Variants in SLC4A4 observed in about 807,000 individuals in gnomAD.
The protein encoded by SLC4A4 is electrogenic sodium bicarbonate cotransporter 1.
SLC4A4 carries 27 observed loss-of-function variants against 111.5 expected under a neutral mutation model. The ratio of observed to expected loss-of-function variants is 0.24; its 90% CI spans 0.18 to 0.33. The LOEUF (loss-of-function observed/expected upper bound fraction) is 0.33, where lower values mean the gene tolerates loss of function less well. SLC4A4 is among the 10% of genes least tolerant of loss of function. The probability of loss-of-function intolerance (pLI) is 1.00; values close to 1 mark genes in which losing one functional copy is unlikely to be tolerated. For synonymous variants in SLC4A4, 443 were observed against 463.4 expected (o/e 0.96, Z 0.57); for missense variants, 909 against 1,315.5 (o/e 0.69, Z 4.78).
chr4:71,201,857 A>G (rs1480348625), intron 1 of SLC4A4, among the ~76,000 whole-genome samples: 1 of 152,228 alleles, frequency 6.6e-6, no homozygotes, highest in African/African-American at 2.4e-5. Flanking sequence ...AGAAAGATGC[A>G]AAAGAAGTGA....
At chr4:71,128,416 T>A (rs1338522185) in intron 2 of SLC4A4, among the ~76,000 whole-genome samples, 2 of 152,020 alleles carry the variant, frequency 1.3e-5, no homozygotes, top group Non-Finnish European at 2.9e-5. Flanking sequence ...CAAGATGAGA[T>A]TTGAGTGGGG....
At chr4:71,329,120 T>A (rs1429013054) in intron 3 of SLC4A4, among the ~76,000 whole-genome samples, 2 of 152,102 alleles carry the variant, frequency 1.3e-5, no homozygotes, top group Admixed American at 6.6e-5. Context: ...AAAAATGAGC[T>A]CACTGTAGAT....
intron 3 of SLC4A4, among the ~76,000 whole-genome samples, chr4:71,331,974 C>T (rs1186568651): frequency 6.6e-6 from 1 of 152,060 alleles, no homozygotes; most frequent in Non-Finnish European, 1.5e-5. Flanking sequence ...TATAGTTGCT[C>T]GTAGTAGTTT....
chr4:71,357,806 TGTA>T (rs141484277), intron 6 of SLC4A4, among the ~76,000 whole-genome samples: 19,248 of 152,188 alleles, frequency 0.13, 1,510 homozygotes, highest in African/African-American at 0.22. Context: ...GTATCCTATC[TGTA>T]GTTTATTGAT....
chr4:71,255,380 C>T lies in SLC4A4; in HGVS notation c.234C>T (p.Ser78=), dbSNP rs1474296874. 4 of 1,613,510 alleles carry T rather than the reference C, an allele frequency of 2.5e-6. No homozygotes were observed. Among genetic ancestry groups the T allele is most frequent in the Non-Finnish European group, 3.4e-6 (4 of 1,179,534 alleles). The change falls in exon 3 of 26, where the codon AGC becomes AGT. Residue 78 remains serine (S), a synonymous_variant. Transcript: ENST00000264485. ...TTGAAAATGCTGATGAATCCAGCAG[C>T]AGCATCCTAAAACCTCTCAGTGAGT... ...SDIENADESS[S]SILKPLISPA...
At chr4:71,357,498 G>A (rs541667204) in intron 6 of SLC4A4, among the ~76,000 whole-genome samples, 1 of 152,268 alleles carries the variant, frequency 6.6e-6, no homozygotes, top group African/African-American at 2.4e-5. Context: ...AGATGAGTCA[G>A]CAGATTCGTA....
In SLC4A4 at chr4:71,165,257, T is replaced by C. The variant is rs111230794; in HGVS notation, c.-1-71319T>C. Among the ~76,000 whole-genome samples the C allele has an allele frequency of 5.3e-3, 806 of 152,362 alleles. 9 individuals carry two copies. Among genetic ancestry groups the C allele is most frequent in the African/African-American group, 0.019 (771 of 41,578 alleles). ...TGCTACAAAGAAACTTGCACACGTA[T>C]GTTTATTGCAGCACTGTTTACAATA... On this transcript the variant is annotated intron_variant, in intron 2 of 26. Coordinates refer to the SLC4A4 transcript ENST00000649996.
intron 1 of SLC4A4, among the ~76,000 whole-genome samples, chr4:71,224,414 G>C (rs1160841968): frequency 1.3e-5 from 2 of 152,210 alleles, no homozygotes. Context: ...TAAGAGAACA[G>C]ATTTTGGAGC....
intron 1 of SLC4A4, among the ~76,000 whole-genome samples, chr4:71,068,497 G>A (rs1741587353): frequency 6.6e-6 from 1 of 151,912 alleles, no homozygotes; most frequent in Non-Finnish European, 1.5e-5. Flanking sequence ...CTACTCCCAA[G>A]GATAACCACT....
intron 2 of SLC4A4, among the ~76,000 whole-genome samples, chr4:71,120,607 C>T (rs189573992): frequency 1.3e-3 from 191 of 152,356 alleles, no homozygotes; most frequent in Non-Finnish European, 1.9e-3. Context: ...GTGGCTTATG[C>T]CTGTAATCCC....
intron 6 of SLC4A4, among the ~76,000 whole-genome samples, chr4:71,384,354 T>C (rs1718455412): frequency 6.6e-6 from 1 of 152,174 alleles, no homozygotes; most frequent in African/African-American, 2.4e-5. Context: ...GCATTATGGG[T>C]CCAGAGGTGT....
chr4:71,553,121 A>G (rs1340360409), intron 20 of SLC4A4, among the ~76,000 whole-genome samples: 1 of 151,920 alleles, frequency 6.6e-6, no homozygotes, highest in Non-Finnish European at 1.5e-5. Flanking sequence ...TTCAAAAGAC[A>G]TATTTTTATC....
chr4:71,270,915 T>C (rs1299021798), intron 3 of SLC4A4, among the ~76,000 whole-genome samples: 1 of 152,208 alleles, frequency 6.6e-6, no homozygotes, highest in Admixed American at 6.5e-5. Context: ...CAAATTAGCT[T>C]GAGATACTTA....
chr4:71,273,311 C>A (rs558100813), intron 3 of SLC4A4, among the ~76,000 whole-genome samples: 1 of 152,246 alleles, frequency 6.6e-6, no homozygotes, highest in South Asian at 2.1e-4. Context: ...GAAACCAGTT[C>A]ATATGCAAGT....
intron 2 of SLC4A4, among the ~76,000 whole-genome samples, chr4:71,239,485 G>A (rs1341995503): frequency 1.3e-5 from 2 of 152,078 alleles, no homozygotes; most frequent in Non-Finnish European, 2.9e-5. Context: ...GTGGTTCTGA[G>A]GAGAGAGACT....
At chr4:71,440,836 C>T in intron 8 of SLC4A4, 63 bp downstream of exon 8, 1 of 1,539,588 alleles carries the variant, frequency 6.5e-7, no homozygotes, top group Non-Finnish European at 9.0e-7. Flanking sequence ...CCCATTCAGG[C>T]TGGAGAATCA....
intron 4 of SLC4A4, among the ~76,000 whole-genome samples, chr4:71,342,080 C>CTTCTAATTAAAAA (rs1353011599): frequency 6.6e-6 from 1 of 152,066 alleles, no homozygotes; most frequent in African/African-American, 2.4e-5. Context: ...ATATTTTCTT[C>CTTCTAATTAAAAA]TTCTAATTAA....
chr4:71,396,636 G>GT (rs113717795), intron 6 of SLC4A4, among the ~76,000 whole-genome samples: 36 of 151,358 alleles, frequency 2.4e-4, no homozygotes, highest in South Asian at 2.1e-3. Context: ...GAAAAGTTAG[G>GT]TTTTTTTTTG....
intron 2 of SLC4A4, among the ~76,000 whole-genome samples, chr4:71,253,660 G>A (rs1384255432): frequency 6.6e-6 from 1 of 152,080 alleles, no homozygotes; most frequent in East Asian, 1.9e-4. Context: ...AATTCACATT[G>A]TTTCTGAGAC....
Sources: gnomAD v4.1 joint callset for allele counts (sites outside exome capture counted in the v4.1 genomes callset) on GRCh38, gnomAD v4.1.1 for gene constraint, MANE v1.5 for transcripts, NCBI Gene and HGNC (gene_info 2026-07-23, HGNC 2026-07-21) for gene names.